DLGAP1: variants seen among roughly 807,000 people sequenced by gnomAD.
The protein encoded by DLGAP1 is DLG associated protein 1.
DLGAP1 carries 11 observed loss-of-function variants against 90.8 expected under a neutral mutation model. That is an observed-to-expected ratio of 0.12 (90% CI 0.08 to 0.20). DLGAP1 has a LOEUF of 0.20. Ranked by LOEUF, DLGAP1 falls within the 10% of genes least tolerant of loss-of-function variation. The probability of loss-of-function intolerance (pLI) is 1.00; values close to 1 mark genes in which losing one functional copy is unlikely to be tolerated. For missense variants in DLGAP1, 1,050 were observed against 1,333.8 expected, an observed-to-expected ratio of 0.79 and a Z score of 3.31; for synonymous variants, 558 against 540.7, an observed-to-expected ratio of 1.03 and a Z score of -0.44.
intron 2 of DLGAP1, among the ~76,000 whole-genome samples, chr18:4,109,812 G>A (rs1044423178): frequency 2.6e-5 from 4 of 151,132 alleles, no homozygotes; most frequent in African/African-American, 7.3e-5. Context: ...TCTTCTTTAC[G>A]TCTTTCTTGC....
chr18:3,790,416 C>G (rs974203640), intron 5 of DLGAP1, among the ~76,000 whole-genome samples: 2 of 151,882 alleles, frequency 1.3e-5, no homozygotes, highest in African/African-American at 4.8e-5. Flanking sequence ...CACAGGTGTG[C>G]ATCACCATGA....
chr18:4,001,138 T>C (rs1415476505), intron 3 of DLGAP1, among the ~76,000 whole-genome samples: 4 of 151,922 alleles, frequency 2.6e-5, no homozygotes, highest in African/African-American at 9.7e-5. Context: ...TCTATTTTTC[T>C]TAAGGAACTT....
intron 9 of DLGAP1, among the ~76,000 whole-genome samples, chr18:3,556,272 G>A (rs1427445152): frequency 6.7e-6 from 1 of 148,640 alleles, no homozygotes; most frequent in Non-Finnish European, 1.5e-5. Context: ...CACTTTTGGT[G>A]CAGTTCAGGA....
At chr18:3,876,650 T>C (rs2071012257) in intron 4 of DLGAP1, among the ~76,000 whole-genome samples, 1 of 152,228 alleles carries the variant, frequency 6.6e-6, no homozygotes, top group African/African-American at 2.4e-5. Context: ...AATATGAGTG[T>C]GTCTGTGATC....
At chr18:3,583,165 CCT>C (rs879892866) in intron 7 of DLGAP1, among the ~76,000 whole-genome samples, 16,981 of 137,756 alleles carry the variant, frequency 0.12, 1,212 homozygotes, top group East Asian at 0.24. Context: ...TACCTACCTA[CCT>C]ACCTACCTAC....
intron 1 of DLGAP1, among the ~76,000 whole-genome samples, chr18:4,446,346 T>G (rs1359850787): frequency 6.6e-6 from 1 of 152,010 alleles, no homozygotes; most frequent in Non-Finnish European, 1.5e-5. Flanking sequence ...GAAAAGTAAA[T>G]TTTGATGTGA....
At chr18:4,438,525 G>C (rs2083456569) in intron 1 of DLGAP1, among the ~76,000 whole-genome samples, 1 of 146,940 alleles carries the variant, frequency 6.8e-6, no homozygotes, top group African/African-American at 2.5e-5. Flanking sequence ...CCCCCTCCTA[G>C]AGCCTCATCT....
chr18:4,421,940 C>T (rs1024500440), intron 1 of DLGAP1, among the ~76,000 whole-genome samples: 3 of 152,090 alleles, frequency 2.0e-5, no homozygotes, highest in Admixed American at 2.0e-4. Context: ...TTTCGAACTC[C>T]TGACCTCAAG....
chr18:3,824,326 T>C (rs538352276), intron 4 of DLGAP1, among the ~76,000 whole-genome samples: 2 of 152,298 alleles, frequency 1.3e-5, no homozygotes, highest in East Asian at 3.9e-4. Context: ...AGCCCACATG[T>C]GGAAACATCA....
intron 5 of DLGAP1, among the ~76,000 whole-genome samples, chr18:3,794,931 G>A (rs1015764061): frequency 8.5e-5 from 13 of 152,196 alleles, no homozygotes; most frequent in East Asian, 1.9e-4. Context: ...CTCCCACTGC[G>A]AAGCCTTAGG....
chr18:3,832,868 C>G (rs1379216511), intron 4 of DLGAP1, among the ~76,000 whole-genome samples: 2 of 152,218 alleles, frequency 1.3e-5, no homozygotes, highest in Non-Finnish European at 2.9e-5. Flanking sequence ...GGTGCCCCCC[C>G]CATCACTGAG....
intron 3 of DLGAP1, among the ~76,000 whole-genome samples, chr18:3,897,241 C>G (rs1215781213): frequency 6.6e-6 from 1 of 152,216 alleles, no homozygotes; most frequent in Non-Finnish European, 1.5e-5. Context: ...CCGAGGAATG[C>G]TGCTAAGCTC....
chr18:3,641,391 G>T (rs1175080682), intron 7 of DLGAP1, among the ~76,000 whole-genome samples: 1 of 151,216 alleles, frequency 6.6e-6, no homozygotes, highest in African/African-American at 2.4e-5. Context: ...ACAAAAATTA[G>T]CTGGGTGTGG....
At chr18:3,961,129 C>G (rs369497602) in intron 3 of DLGAP1, among the ~76,000 whole-genome samples, 2 of 152,068 alleles carry the variant, frequency 1.3e-5, no homozygotes, top group East Asian at 3.9e-4. Flanking sequence ...CGCACACTAA[C>G]CTCAGACACA....
At chr18:3,837,883 T>TAAAAAAAAA (rs2068492632) in intron 4 of DLGAP1, among the ~76,000 whole-genome samples, 1 of 63,066 alleles carries the variant, frequency 1.6e-5, no homozygotes, top group Non-Finnish European at 3.2e-5. Flanking sequence ...AAAAAAAAAG[T>TAAAAAAAAA]CAGGGACAAG....
At chr18:4,057,266 G>A (rs1252640410) in intron 2 of DLGAP1, among the ~76,000 whole-genome samples, 1 of 152,152 alleles carries the variant, frequency 6.6e-6, no homozygotes, top group Non-Finnish European at 1.5e-5. Context: ...GCAACTTCTC[G>A]ATAAGATCTC....
At chr18:3,543,986 AAAACAAACAAAC>A (rs142786745) in intron 9 of DLGAP1, among the ~76,000 whole-genome samples, 2 of 151,612 alleles carry the variant, frequency 1.3e-5, no homozygotes, top group African/African-American at 4.9e-5. Flanking sequence ...TCCTCTTTAG[AAAACAAACAAAC>A]AAACAAACAA....
intron 1 of DLGAP1, among the ~76,000 whole-genome samples, chr18:4,289,717 T>C (rs2079798820): frequency 6.6e-6 from 1 of 152,084 alleles, no homozygotes; most frequent in African/African-American, 2.4e-5. Flanking sequence ...TAAACCTAAT[T>C]TTAATGTTTA....
chr18:3,648,091 A>G (rs2059183060), intron 7 of DLGAP1, among the ~76,000 whole-genome samples: 1 of 152,252 alleles, frequency 6.6e-6, no homozygotes, highest in Non-Finnish European at 1.5e-5. Flanking sequence ...GCAGAAGTGT[A>G]CCAGGTTTCC....
Sources: gnomAD v4.1 joint callset for allele counts (sites outside exome capture counted in the v4.1 genomes callset) on GRCh38, gnomAD v4.1.1 for gene constraint, MANE v1.5 for transcripts, NCBI Gene and HGNC (gene_info 2026-07-23, HGNC 2026-07-21) for gene names.